The following LAMA2 variants were observed in gnomAD, a reference collection of about 807,000 sequenced individuals.
LAMA2 encodes the protein laminin subunit alpha 2.
Under a neutral mutation model 364.8 loss-of-function variants are expected in LAMA2, and 269 were observed. That is an observed-to-expected ratio of 0.74 (90% CI 0.67 to 0.82). The LOEUF is 0.82. Ranked by LOEUF, LAMA2 falls within the 40% of genes least tolerant of loss-of-function variation. The probability of loss-of-function intolerance (pLI) is 0.00; values close to 1 mark genes in which losing one functional copy is unlikely to be tolerated. For synonymous variants in LAMA2, 1,379 were observed against 1,370.6 expected (o/e 1.01, Z -0.14); for missense variants, 3,807 against 3,873.2 (o/e 0.98, Z 0.45).
intron 29 of LAMA2, among the ~76,000 whole-genome samples, chr6:129,329,170 C>G (rs1330500895): frequency 6.6e-6 from 1 of 152,096 alleles, no homozygotes; most frequent in African/African-American, 2.4e-5. Flanking sequence ...TTTGTTAAGC[C>G]CATCTCCCAC....
chr6:129,063,172 G>A (rs371627663), intron 3 of LAMA2, among the ~76,000 whole-genome samples: 2 of 151,934 alleles, frequency 1.3e-5, no homozygotes, highest in South Asian at 2.1e-4. Context: ...AATGATAATG[G>A]CAATATAGCA....
At chr6:129,335,363 GA>G (rs1316082008) in intron 29 of LAMA2, among the ~76,000 whole-genome samples, 3 of 150,176 alleles carry the variant, frequency 2.0e-5, no homozygotes, top group African/African-American at 4.9e-5. Flanking sequence ...TAGGTAGATA[GA>G]TAGATAGATA....
intron 1 of LAMA2, among the ~76,000 whole-genome samples, chr6:128,919,585 C>G (rs930532702): frequency 6.6e-6 from 1 of 152,188 alleles, no homozygotes; most frequent in Admixed American, 6.5e-5. Context: ...CACAGTGATT[C>G]AGGCCACCAT....
intron 1 of LAMA2, among the ~76,000 whole-genome samples, chr6:129,014,025 A>G (rs1289405527): frequency 6.6e-6 from 1 of 152,200 alleles, no homozygotes; most frequent in Non-Finnish European, 1.5e-5. Flanking sequence ...AGGCAGTTAG[A>G]GAAGGAAAAT....
At chr6:129,495,646 T>C (rs1785131442) in intron 58 of LAMA2, among the ~76,000 whole-genome samples, 1 of 152,196 alleles carries the variant, frequency 6.6e-6, no homozygotes, top group Non-Finnish European at 1.5e-5. Flanking sequence ...CTGGTTTGGA[T>C]TTTTAGGGAT....
At chr6:129,480,246 A>C (rs2114837289) in intron 54 of LAMA2, among the ~76,000 whole-genome samples, 1 of 152,300 alleles carries the variant, frequency 6.6e-6, no homozygotes, top group South Asian at 2.1e-4. Flanking sequence ...TGGTCTTGAA[A>C]CACTGTGGGA....
intron 1 of LAMA2, among the ~76,000 whole-genome samples, chr6:128,940,485 A>G (rs986650713): frequency 6.6e-6 from 1 of 152,218 alleles, no homozygotes; most frequent in African/African-American, 2.4e-5. Flanking sequence ...CATTGCAGAC[A>G]TCTAATAAAT....
In LAMA2 at chr6:129,157,147, G is replaced by A. The variant is rs112643977; in HGVS notation, c.1206+2464G>A. Among the ~76,000 whole-genome samples, 1,173 of 152,228 alleles carry A rather than the reference G, an allele frequency of 7.7e-3. 12 individuals are homozygous for A. The highest frequency in any genetic ancestry group is 0.022 in the South Asian group (108 of 4,814). On this transcript the variant is annotated intron_variant, in intron 8 of 64. Transcript: ENST00000421865. ...AGGCAAAGTCTATTTCTCCAACTCTGCTGCACTCATTTATCTTCTTAAGGC... is the reference window on the plus strand; with the variant it reads ...AGGCAAAGTCTATTTCTCCAACTCTACTGCACTCATTTATCTTCTTAAGGC...
intron 64 of LAMA2, among the ~76,000 whole-genome samples, chr6:129,515,770 ATATGT>A (rs1223273683): frequency 2.6e-5 from 4 of 152,186 alleles, no homozygotes; most frequent in East Asian, 1.9e-4. Flanking sequence ...AGATGTTTTC[ATATGT>A]TATAACTATT....
chr6:128,970,970 G>A (rs1471676300), intron 1 of LAMA2, among the ~76,000 whole-genome samples: 1 of 152,134 alleles, frequency 6.6e-6, no homozygotes, highest in African/African-American at 2.4e-5. Context: ...GGGAAGATAA[G>A]AAAAGGGGGC....
At chr6:129,142,810 G>A (rs1778208635) in intron 4 of LAMA2, among the ~76,000 whole-genome samples, 1 of 151,922 alleles carries the variant, frequency 6.6e-6, no homozygotes. Flanking sequence ...CTGAAAAAAT[G>A]GGAAGTTTAT....
chr6:129,380,410 T>TATA (rs147429717), intron 34 of LAMA2, among the ~76,000 whole-genome samples: 3,427 of 152,254 alleles, frequency 0.023, 127 homozygotes, highest in African/African-American at 0.079. Context: ...AGGAGCTGGA[T>TATA]ATATGATAAA....
Position 129,402,308 on chromosome 6 carries a change from C to T in LAMA2, c.5563-16C>T. The T allele has an allele frequency of 1.2e-6, 2 of 1,609,430 alleles. No individual in the cohort carries two copies. The highest frequency in any genetic ancestry group is 1.1e-5 in the South Asian group (1 of 90,962). ...TGAATTCACTTGCTTAAAATGCCCTCTTCTCTACATATCAGTATGTTGAAG... is the reference window on the plus strand; with the variant it reads ...TGAATTCACTTGCTTAAAATGCCCTTTTCTCTACATATCAGTATGTTGAAG... On this transcript the variant is annotated splice_polypyrimidine_tract_variant and intron_variant, in intron 38 of 64. Coordinates refer to ENST00000421865, the MANE Select transcript of LAMA2 (RefSeq NM_000426.4).
chr6:129,417,116 G>T (rs1434591500), intron 40 of LAMA2, among the ~76,000 whole-genome samples: 3 of 152,108 alleles, frequency 2.0e-5, no homozygotes, highest in African/African-American at 2.4e-5. Flanking sequence ...GCTGGGGAAG[G>T]GGGTGTGTTT....
At chr6:128,971,431 G>A (rs1004809667) in intron 1 of LAMA2, among the ~76,000 whole-genome samples, 2 of 152,154 alleles carry the variant, frequency 1.3e-5, no homozygotes, top group Admixed American at 1.3e-4. Flanking sequence ...GCTCATAGGT[G>A]AATGTGGGAA....
rs189734060 is a variant in LAMA2 at position 128,978,357 on chromosome 6, T to C, written c.113-71561T>C. On this transcript the variant is annotated intron_variant, in intron 1 of 64. Transcript: ENST00000421865. ...CCTGCCCTTCTTTCTTTCTTTTTTTTTTTTTTTTTTGAGAGCATGGTGTGG... is the reference window on the plus strand; with the variant it reads ...CCTGCCCTTCTTTCTTTCTTTTTTTCTTTTTTTTTTGAGAGCATGGTGTGG... Among the ~76,000 whole-genome samples, 1,090 of 151,810 alleles carry C rather than the reference T, an allele frequency of 7.2e-3. 8 individuals are homozygous for C. Among genetic ancestry groups the C allele is most frequent in the Middle Eastern group, 0.01 (3 of 294 alleles).
Position 129,300,761 on chromosome 6 carries a change from T to C in LAMA2, c.3063T>C (p.Asn1021=), listed in dbSNP as rs745911515. 3.6e-5 allele frequency: 58 copies of C among 1,613,654 alleles called. No individual in the cohort carries two copies. The highest frequency in any genetic ancestry group is 4.9e-5 in the Non-Finnish European group (58 of 1,179,694). The change falls in exon 22 of 65, where the codon AAT becomes AAC. Residue 1021 remains asparagine (N), a synonymous_variant. Transcript: ENST00000421865. ...CTACECSHLG[N]NCDPKTGRCI... ...CTTGTGAATGTTCTCATCTGGGTAA[T>C]AATTGTGACCCAAAGACTGGGCGAT... is the stretch of plus-strand genomic sequence containing the variant.
chr6:129,292,417 A>C (rs911420489), intron 20 of LAMA2, among the ~76,000 whole-genome samples: 1 of 152,276 alleles, frequency 6.6e-6, no homozygotes, highest in African/African-American at 2.4e-5. Flanking sequence ...TCCATCATTT[A>C]AAAGCTACTT....
intron 3 of LAMA2, among the ~76,000 whole-genome samples, chr6:129,079,298 G>C (rs1773876711): frequency 6.6e-6 from 1 of 152,020 alleles, no homozygotes; most frequent in Non-Finnish European, 1.5e-5. Flanking sequence ...ATCTCTTACT[G>C]TGCCTATTTT....
Sources: gnomAD v4.1 joint callset for allele counts (sites outside exome capture counted in the v4.1 genomes callset) on GRCh38, gnomAD v4.1.1 for gene constraint, MANE v1.5 for transcripts, NCBI Gene and HGNC (gene_info 2026-07-23, HGNC 2026-07-21) for gene names.